The following VPS13D variants were observed in gnomAD, a reference collection of about 807,000 sequenced individuals.
The protein encoded by VPS13D is intermembrane lipid transfer protein VPS13D.
Under a neutral mutation model 461.9 loss-of-function variants are expected in VPS13D, and 187 were observed. The observed-to-expected ratio is 0.40, with a 90% CI of 0.36 to 0.46. VPS13D has a LOEUF of 0.46. Among genes scored for constraint, VPS13D ranks in the 20% least tolerant of loss-of-function variants. The probability of loss-of-function intolerance (pLI) is 0.60; values close to 1 mark genes in which losing one functional copy is unlikely to be tolerated. For missense variants in VPS13D, 4,711 were observed against 5,364.9 expected (o/e 0.88, Z 3.81); for synonymous variants, 1,951 against 1,986.3 (o/e 0.98, Z 0.47).
At chr1:12,375,419 A>G (rs78414766) in intron 55 of VPS13D, among the ~76,000 whole-genome samples, 2,872 of 152,298 alleles carry the variant, frequency 0.019, 104 homozygotes, top group Admixed American at 0.097. Context: ...CTATGTCTAC[A>G]TATCAAAATC....
intron 11 of VPS13D, 66 bp downstream of exon 11, chr1:12,260,860 T>C: frequency 6.2e-7 from 1 of 1,610,242 alleles, no homozygotes; most frequent in East Asian, 2.2e-5. Context: ...AGTTTTGATG[T>C]GCTTGTGCTC....
Position 12,495,671 on chromosome 1 carries a change from G to A in VPS13D, c.12663-1829G>A, listed in dbSNP as rs2100536601. Reference sequence around the variant, plus strand: ...CCCAGTTGATTGGGGAAGATATGTTGAGACGAGTCTGAATCAAACCTTACG... The same window carrying A: ...CCCAGTTGATTGGGGAAGATATGTTAAGACGAGTCTGAATCAAACCTTACG... On this transcript the variant is annotated intron_variant, in intron 67 of 69. Coordinates refer to ENST00000620676, the MANE Select transcript of VPS13D (RefSeq NM_015378.4). The surrounding 1 kb of genome is among the most constrained non-coding windows in gnomAD (Gnocchi z 4.0). 6.6e-6 allele frequency among the ~76,000 whole-genome samples: 1 copy of A among 152,338 alleles called. No individual in the cohort carries two copies. Among genetic ancestry groups the A allele is most frequent in the South Asian group, 2.1e-4 (1 of 4,818 alleles).
intron 36 of VPS13D, 67 bp downstream of exon 36, chr1:12,327,921 C>CTT (rs368337255): frequency 1.7e-4 from 204 of 1,203,564 alleles, no homozygotes; most frequent in African/African-American, 4.2e-4. Context: ...TATTTGGGGC[C>CTT]TTTTTTTTTT....
At position 12,285,294 on chromosome 1, in the gene VPS13D, TTA is replaced by T. The variant is rs1374777754; in HGVS notation, c.5634+1560_5634+1561del. Among the ~76,000 whole-genome samples the T allele has an allele frequency of 3.9e-4, 58 of 147,852 alleles. 1 individual carries two copies. The highest frequency in any genetic ancestry group is 1.3e-3 in the African/African-American group (51 of 39,844). On this transcript the variant is annotated intron_variant, in intron 21 of 69. Coordinates refer to ENST00000620676, the MANE Select transcript of VPS13D (RefSeq NM_015378.4). ...TTTATTTATTTATTTATTTATTTAT[TTA>T]TTTTTTTTTTTTGAGACGGAGTCTC... is the stretch of plus-strand genomic sequence containing the variant.
At chr1:12,323,870 A>T in intron 35 of VPS13D, 90 bp downstream of exon 35, 1 of 1,367,322 alleles carries the variant, frequency 7.3e-7, no homozygotes, top group East Asian at 2.3e-5. Context: ...GGTGACTTAG[A>T]GAGCTGAGTG....
Position 12,506,904 on chromosome 1 carries a change from A to C in VPS13D, c.12846A>C (p.Lys4282Asn), listed in dbSNP as rs777439584. ...GCTACTGCGTGCTCATCTCCTCCAAAGCTGTTTACTTCCTGAAAAGTGGAG... is the reference window on the plus strand; with the variant it reads ...GCTACTGCGTGCTCATCTCCTCCAACGCTGTTTACTTCCTGAAAAGTGGAG... ...IDSYCVLISS[K>N]AVYFLKSGDY... Residue 4282 changes from lysine to asparagine, a missense_variant, in exon 69 of 70, where the codon AAA becomes AAC. Physicochemically the swap from Lys to Asn is moderately conservative, Grantham distance 94. Around this residue, in one of 3 missense-constraint regions of VPS13D, gnomAD observed 194 missense variants for 220.9 expected, o/e 0.88. Transcript: ENST00000620676. 1.1e-5 allele frequency: 17 copies of C among 1,614,140 alleles called. No individual in the cohort carries two copies. Among genetic ancestry groups the C allele is most frequent in the South Asian group, 2.2e-5 (2 of 91,096 alleles).
chr1:12,339,354 G>A (rs1025321225), intron 40 of VPS13D, among the ~76,000 whole-genome samples: 2 of 152,150 alleles, frequency 1.3e-5, no homozygotes, highest in African/African-American at 2.4e-5. Context: ...TGCTTCTTAT[G>A]ATTTACAAAC....
At chr1:12,264,875 A>G (rs1641219871) in intron 13 of VPS13D, among the ~76,000 whole-genome samples, 1 of 152,218 alleles carries the variant, frequency 6.6e-6, no homozygotes, top group African/African-American at 2.4e-5. Context: ...ATAGCTAGAG[A>G]GGAGAAGTCA....
chr1:12,346,019 G>T (rs1395652889), intron 43 of VPS13D, among the ~76,000 whole-genome samples: 1 of 151,452 alleles, frequency 6.6e-6, no homozygotes, highest in East Asian at 2.0e-4. Context: ...AGGAAATGAT[G>T]CAGGTGGCAT....
At chr1:12,508,045 T>C (rs562145697) in intron 69 of VPS13D, among the ~76,000 whole-genome samples, 1 of 152,336 alleles carries the variant, frequency 6.6e-6, no homozygotes, top group Non-Finnish European at 1.5e-5. Context: ...ATGAATGCAT[T>C]TGGGCCTGTT....
At chr1:12,250,110 C>T (rs1047890185) in intron 6 of VPS13D, among the ~76,000 whole-genome samples, 11 of 152,142 alleles carry the variant, frequency 7.2e-5, no homozygotes, top group African/African-American at 1.9e-4. Flanking sequence ...TTATAATAAA[C>T]GGTGTTATGA....
chr1:12,437,094 CT>C (rs1464430744), intron 65 of VPS13D, among the ~76,000 whole-genome samples: 2 of 152,290 alleles, frequency 1.3e-5, no homozygotes, highest in Non-Finnish European at 1.5e-5. Context: ...CCCAAAAACC[CT>C]GACTCACTTT....
chr1:12,262,536 G>T (rs1445882019), intron 13 of VPS13D, among the ~76,000 whole-genome samples: 3 of 152,144 alleles, frequency 2.0e-5, no homozygotes, highest in Non-Finnish European at 2.9e-5. Context: ...TCAGCCATGC[G>T]GTCATGAGGT....
intron 54 of VPS13D, among the ~76,000 whole-genome samples, chr1:12,370,061 C>T (rs181575830): frequency 1.3e-5 from 2 of 152,166 alleles, no homozygotes; most frequent in African/African-American, 2.4e-5. Context: ...GACTCTCCTC[C>T]CACCATCCCA....
Position 12,277,757 on chromosome 1 carries a change from G to C in VPS13D, c.4169G>C (p.Arg1390Pro). Residue 1390 changes from arginine to proline, a missense_variant, in exon 19 of 70, where the codon CGG (arginine) becomes CCG (proline). This residue lies in a region of VPS13D where 4,411 missense variants were observed against 4,937.8 expected (regional missense o/e 0.89). Transcript: ENST00000620676. The part of the protein sequence containing the change: ...NIESPVVSIP[R>P]KPGSPELLVG... ...GAATCACCAGTTGTTTCTATCCCTC[G>C]GAAGCCGGGGAGTCCTGAGTTGTTG... The C allele has an allele frequency of 6.2e-7, 1 of 1,614,122 alleles. No individual in the cohort carries two copies. Among genetic ancestry groups the C allele is most frequent in the Non-Finnish European group, 8.5e-7 (1 of 1,180,020 alleles).
At chr1:12,332,184 G>A (rs1290201141) in intron 37 of VPS13D, among the ~76,000 whole-genome samples, 3 of 152,268 alleles carry the variant, frequency 2.0e-5, no homozygotes, top group South Asian at 2.1e-4. Flanking sequence ...CAACAACCCC[G>A]CAATGTGTTG....
At chr1:12,374,016 G>A (rs1241002006) in intron 55 of VPS13D, among the ~76,000 whole-genome samples, 158 bp downstream of exon 55, 4 of 152,216 alleles carry the variant, frequency 2.6e-5, no homozygotes, top group Non-Finnish European at 5.9e-5. Context: ...TAGGGCGGAT[G>A]AGTACCAGCT....
chr1:12,370,557 G>A (rs1049462212), intron 54 of VPS13D, among the ~76,000 whole-genome samples: 5 of 152,174 alleles, frequency 3.3e-5, no homozygotes, highest in Admixed American at 3.3e-4. Context: ...TCTGCTTAGA[G>A]TCCAGATTTC....
chr1:12,361,391 A>AT (rs1158608905), intron 50 of VPS13D, among the ~76,000 whole-genome samples: 5 of 140,964 alleles, frequency 3.5e-5, no homozygotes, highest in Middle Eastern at 3.5e-3. Context: ...TTATTTATTT[A>AT]TTTATTTATT....
Sources: gnomAD v4.1 joint callset for allele counts (sites outside exome capture counted in the v4.1 genomes callset) on GRCh38, gnomAD v4.1.1 for gene constraint, gnomAD v4.1.1 regional missense constraint, Gnocchi (gnomAD v3.1) non-coding constraint, MANE v1.5 for transcripts, NCBI Gene and HGNC (gene_info 2026-07-23, HGNC 2026-07-21) for gene names.